The following GLRX3 variants were observed in gnomAD, a reference collection of about 807,000 sequenced individuals.
GLRX3 encodes glutaredoxin-3.
A neutral mutation model predicts 49.5 loss-of-function variants in GLRX3; 22 were observed. That is an observed-to-expected ratio of 0.44 (90% CI 0.32 to 0.63). The LOEUF (loss-of-function observed/expected upper bound fraction) is 0.63. Ranked by LOEUF, GLRX3 falls within the 30% of genes least tolerant of loss-of-function variation. GLRX3 has a pLI of 0.05. For synonymous variants in GLRX3, 133 were observed against 140.0 expected (o/e 0.95, Z 0.35); for missense variants, 385 against 396.3 (o/e 0.97, Z 0.24).
chr10:130,157,575 C>T (rs1272659914), intron 2 of GLRX3, among the ~76,000 whole-genome samples: 3 of 137,020 alleles, frequency 2.2e-5, no homozygotes, highest in African/African-American at 8.2e-5. Context: ...AAATGCCAGT[C>T]TCTTCCCAAA....
At chr10:130,139,243 G>A (rs1298069756) in intron 1 of GLRX3, among the ~76,000 whole-genome samples, 1 of 152,144 alleles carries the variant, frequency 6.6e-6, no homozygotes, top group African/African-American at 2.4e-5. Flanking sequence ...GAAACAATGT[G>A]CACTTTCCTT....
At chr10:130,152,001 A>G (rs1862385806) in intron 2 of GLRX3, among the ~76,000 whole-genome samples, 1 of 151,940 alleles carries the variant, frequency 6.6e-6, no homozygotes, top group South Asian at 2.1e-4. Flanking sequence ...ACTTACATTT[A>G]AGGTTAATTT....
chr10:130,150,932 T>G (rs1862364766), intron 2 of GLRX3, among the ~76,000 whole-genome samples: 4 of 151,252 alleles, frequency 2.6e-5, no homozygotes, highest in Non-Finnish European at 1.5e-5. Context: ...TAGAATTGTT[T>G]TTTTTTTTTT....
intron 2 of GLRX3, among the ~76,000 whole-genome samples, chr10:130,156,213 G>A (rs1862467815): frequency 6.6e-6 from 1 of 152,206 alleles, no homozygotes; most frequent in South Asian, 2.1e-4. Flanking sequence ...GCAAGGGCTT[G>A]CTCTCTGTTC....
intron 10 of GLRX3, among the ~76,000 whole-genome samples, chr10:130,176,582 T>A (rs1490586135): frequency 6.6e-6 from 1 of 152,150 alleles, no homozygotes; most frequent in Non-Finnish European, 1.5e-5. Flanking sequence ...AGGTTTTGTT[T>A]CCTGTGGAGT....
chr10:130,160,549 A>G (rs1355605801), intron 3 of GLRX3, among the ~76,000 whole-genome samples: 1 of 152,202 alleles, frequency 6.6e-6, no homozygotes, highest in East Asian at 1.9e-4. Context: ...ATGTGGGGGC[A>G]GTCTTTTTTG....
chr10:130,141,315 T>G (rs556321093), intron 1 of GLRX3, among the ~76,000 whole-genome samples: 22 of 152,270 alleles, frequency 1.4e-4, no homozygotes, highest in African/African-American at 5.3e-4. Flanking sequence ...AAAAAAAATT[T>G]TTTTTTTGGT....
intron 7 of GLRX3, among the ~76,000 whole-genome samples, chr10:130,171,311 T>C (rs571100563): frequency 2.6e-5 from 4 of 152,192 alleles, no homozygotes; most frequent in African/African-American, 9.6e-5. Context: ...TAGAGGAACT[T>C]TTTGACCACA....
In GLRX3 at chr10:130,136,400, C is replaced by T. The variant is rs1225713961; in HGVS notation, c.-21C>T. The T allele has an allele frequency of 2.4e-6, 3 of 1,249,652 alleles. No individual in the cohort carries two copies. The highest frequency in any genetic ancestry group is 3.9e-5 in the South Asian group (1 of 25,492). The allele number at this position is 1,249,652 out of a possible 1,614,324, so 77.4% of individuals were successfully genotyped here. ...ACATCCGGCCGCCGGCACTGGATTG[C>T]TTCTGTCTGGCGGCGGCAGCATGGC... On this transcript the variant is annotated 5_prime_UTR_variant, in exon 1 of 11. Coordinates refer to ENST00000331244, the MANE Select transcript of GLRX3 (RefSeq NM_006541.5).
At chr10:130,172,342 G>C (rs1322703731) in intron 8 of GLRX3, among the ~76,000 whole-genome samples, 1 of 152,194 alleles carries the variant, frequency 6.6e-6, no homozygotes, top group Non-Finnish European at 1.5e-5. Context: ...GGATCTGAGA[G>C]GTAGCACAAG....
At chr10:130,150,730 G>C (rs12413087) in intron 2 of GLRX3, among the ~76,000 whole-genome samples, 1 of 152,086 alleles carries the variant, frequency 6.6e-6, no homozygotes, top group East Asian at 1.9e-4. Flanking sequence ...ATTACTGTAT[G>C]TAAACAGATA....
chr10:130,160,450 G>A (rs1010350183), intron 3 of GLRX3, among the ~76,000 whole-genome samples: 6 of 152,158 alleles, frequency 3.9e-5, no homozygotes, highest in African/African-American at 7.2e-5. Context: ...TAGGAAGCAG[G>A]TGCACACCTG....
intron 4 of GLRX3, among the ~76,000 whole-genome samples, chr10:130,161,779 A>G (rs962561092): frequency 6.6e-6 from 1 of 152,176 alleles, no homozygotes; most frequent in African/African-American, 2.4e-5. Context: ...ATTTGTATCA[A>G]CTACACAGGA....
rs529259333 is a variant in GLRX3, at chr10:130,144,137, T to C, written c.93-1074T>C. ...TGCTGTTTCTATGGTCACGGTTATG[T>C]CTCTCCATCACTATACCACATTTAA... is the stretch of plus-strand genomic sequence containing the variant. On this transcript the variant is annotated intron_variant, in intron 1 of 10. Coordinates refer to ENST00000331244, the MANE Select transcript of GLRX3 (RefSeq NM_006541.5). Among the ~76,000 whole-genome samples the C allele has an allele frequency of 6.0e-4, 92 of 152,244 alleles. 1 individual carries two copies. Among genetic ancestry groups the C allele is most frequent in the Middle Eastern group, 3.2e-3 (1 of 316 alleles).
At chr10:130,174,141 A>G (rs1311305704) in intron 8 of GLRX3, among the ~76,000 whole-genome samples, 2 of 152,246 alleles carry the variant, frequency 1.3e-5, no homozygotes, top group African/African-American at 2.4e-5. Context: ...ATAAAGCCAC[A>G]AAGCTTTCAT....
intron 1 of GLRX3, among the ~76,000 whole-genome samples, chr10:130,140,467 C>T (rs1047508605): frequency 1.4e-4 from 22 of 152,152 alleles, no homozygotes; most frequent in African/African-American, 5.3e-4. Flanking sequence ...GGAAGGTAAG[C>T]ATTAAATAGG....
chr10:130,162,614 G>A (rs1157129980), intron 4 of GLRX3, among the ~76,000 whole-genome samples: 150 of 152,170 alleles, frequency 9.9e-4, no homozygotes, highest in Non-Finnish European at 8.8e-5. Context: ...TGTGGGTGAA[G>A]CACACCTACA....
At chr10:130,153,937 G>A (rs1862427716) in intron 2 of GLRX3, among the ~76,000 whole-genome samples, 1 of 152,200 alleles carries the variant, frequency 6.6e-6, no homozygotes, top group Non-Finnish European at 1.5e-5. Flanking sequence ...CTGAGCTGTG[G>A]TGGGCTTCAC....
At chr10:130,162,958 TAGAG>T (rs1191723537) in intron 4 of GLRX3, among the ~76,000 whole-genome samples, 1 of 152,024 alleles carries the variant, frequency 6.6e-6, no homozygotes, top group Non-Finnish European at 1.5e-5. Flanking sequence ...TCAAGTAAAT[TAGAG>T]AGAAACTTAG....
Sources: allele counts gnomAD v4.1 joint callset (sites outside exome capture counted in the v4.1 genomes callset), GRCh38; gene constraint gnomAD v4.1.1; transcripts MANE v1.5; gene names NCBI Gene and HGNC (gene_info 2026-07-23, HGNC 2026-07-21).